RAP1GAP2: variants seen among roughly 807,000 people sequenced by gnomAD.
RAP1GAP2 encodes the protein rap1 GTPase-activating protein 2.
RAP1GAP2 carries 27 observed loss-of-function variants against 95.0 expected under a neutral mutation model. The ratio of observed to expected loss-of-function variants is 0.28; its 90% confidence interval spans 0.21 to 0.39. RAP1GAP2 has a LOEUF of 0.39. RAP1GAP2 is among the 10% of genes least tolerant of loss of function. The probability of loss-of-function intolerance (pLI) is 1.00; values close to 1 mark genes in which losing one functional copy is unlikely to be tolerated. For synonymous variants in RAP1GAP2, 373 were observed against 380.9 expected, an observed-to-expected ratio of 0.98 and a Z score of 0.24; for missense variants, 771 against 970.0, an observed-to-expected ratio of 0.79 and a Z score of 2.72.
rs1229635936 is a variant in RAP1GAP2 at position 2,871,208 on chromosome 17, G to A, written c.81-34076G>A. The stretch of plus-strand genomic sequence containing the variant: ...TGACCTCAGGTGATCCACCCACCTC[G>A]GCCTCCCACAGTGCTGGGATTACAG... On this transcript the variant is annotated intron_variant, in intron 2 of 24. Coordinates refer to ENST00000254695, the MANE Select transcript of RAP1GAP2 (RefSeq NM_015085.5). This position sits in a 1 kb window ranked among gnomAD's most constrained non-coding sequence, Gnocchi z 5.0. Among the ~76,000 whole-genome samples, 5 of 152,138 alleles carry A rather than the reference G, an allele frequency of 3.3e-5. No individual in the cohort carries two copies. Among genetic ancestry groups the A allele is most frequent in the Admixed American group, 2.0e-4 (3 of 15,264 alleles).
intron 3 of RAP1GAP2, among the ~76,000 whole-genome samples, chr17:2,923,646 A>G (rs771750666): frequency 3.7e-5 from 5 of 135,360 alleles, no homozygotes; most frequent in Non-Finnish European, 6.3e-5. Flanking sequence ...TTTCTTAGAT[A>G]ATTTTTATCA....
At chr17:3,026,199 G>A in intron 20 of RAP1GAP2, 78 bp downstream of exon 20, 1 of 1,342,256 alleles carries the variant, frequency 7.5e-7, no homozygotes, top group Non-Finnish European at 1.1e-6. Flanking sequence ...CTGGCCAGCT[G>A]AGAGTGGCCA....
chr17:2,923,714 TAAATA>T (rs962176870), intron 3 of RAP1GAP2, among the ~76,000 whole-genome samples: 17 of 152,106 alleles, frequency 1.1e-4, no homozygotes, highest in African/African-American at 3.9e-4. Flanking sequence ...CAGACAATTT[TAAATA>T]AAATGATATA....
intron 8 of RAP1GAP2, among the ~76,000 whole-genome samples, chr17:2,967,992 A>G (rs1431076942): frequency 6.6e-6 from 1 of 152,144 alleles, no homozygotes; most frequent in Admixed American, 6.5e-5. Flanking sequence ...AAGTTTGGAT[A>G]TAAAGAAGAA....
chr17:2,929,024 A>G (rs928654216), intron 3 of RAP1GAP2, among the ~76,000 whole-genome samples: 1 of 152,168 alleles, frequency 6.6e-6, no homozygotes, highest in Non-Finnish European at 1.5e-5. Context: ...GTTTGAAGCC[A>G]GGAGTTCAAG....
intron 2 of RAP1GAP2, among the ~76,000 whole-genome samples, chr17:2,826,657 T>G (rs942824994): frequency 6.6e-5 from 10 of 151,984 alleles, no homozygotes; most frequent in African/African-American, 2.2e-4. Context: ...AGGGCCAGGC[T>G]AGGGTCCTAA....
chr17:2,823,110 G>A (rs2070382635), intron 2 of RAP1GAP2, among the ~76,000 whole-genome samples: 1 of 151,908 alleles, frequency 6.6e-6, no homozygotes, highest in African/African-American at 2.4e-5. Flanking sequence ...GAGGATTGGG[G>A]TGTCATGGGG....
In RAP1GAP2 at chr17:2,963,315, G is replaced by T. The variant is rs1408954947; in HGVS notation, c.247-115G>T. Reference sequence around the variant, plus strand: ...ATTCTGAGCTGTTCTTCCATCGAATGTTCCTCCCTCAAAGCCCCCCCACAA... The same window carrying T: ...ATTCTGAGCTGTTCTTCCATCGAATTTTCCTCCCTCAAAGCCCCCCCACAA... On this transcript the variant is annotated intron_variant, in intron 5 of 24. Coordinates refer to ENST00000254695, the MANE Select transcript of RAP1GAP2 (RefSeq NM_015085.5). This position sits in a 1 kb window ranked among gnomAD's most constrained non-coding sequence, Gnocchi z 4.8. The T allele has an allele frequency of 1.7e-6, 2 of 1,178,922 alleles. No individual in the cohort carries two copies. Among genetic ancestry groups the T allele is most frequent in the Non-Finnish European group, 2.5e-6 (2 of 788,290 alleles). The allele number at this position is 1,178,922 out of a possible 1,614,324, so 73.0% of individuals were successfully genotyped here. A position where few individuals can be genotyped will look rare whatever the true frequency, so the allele number is the denominator to read the frequency against.
At chr17:2,788,045 A>G (rs2068832229) in intron 1 of RAP1GAP2, among the ~76,000 whole-genome samples, 1 of 152,236 alleles carries the variant, frequency 6.6e-6, no homozygotes, top group African/African-American at 2.4e-5. Flanking sequence ...TTATAATGAT[A>G]TGATTAACAT....
intron 2 of RAP1GAP2, among the ~76,000 whole-genome samples, chr17:2,771,973 C>G (rs1472283899): frequency 6.6e-6 from 1 of 152,058 alleles, no homozygotes; most frequent in Non-Finnish European, 1.5e-5. Context: ...TCAAGTGATC[C>G]TCCTGACTCA....
chr17:2,989,440 C>T (rs1311623247), intron 11 of RAP1GAP2, among the ~76,000 whole-genome samples: 6 of 152,118 alleles, frequency 3.9e-5, no homozygotes, highest in African/African-American at 1.4e-4. Context: ...TCCAGCGATT[C>T]TCCCACCTCA....
intron 1 of RAP1GAP2, 98 bp from the exon 2 acceptor site, chr17:2,800,417 C>G: frequency 6.9e-7 from 1 of 1,442,632 alleles, no homozygotes; most frequent in Non-Finnish European, 9.5e-7. Flanking sequence ...GCCCTGCTGT[C>G]TGGTGGTTTG....
chr17:2,816,907 C>T (rs1298152438), intron 2 of RAP1GAP2, among the ~76,000 whole-genome samples: 2 of 118,452 alleles, frequency 1.7e-5, no homozygotes, highest in South Asian at 2.6e-4. Context: ...AGTACTTGTC[C>T]TTCTGTGTCT....
chr17:2,883,643 A>T (rs1188101354), intron 2 of RAP1GAP2, among the ~76,000 whole-genome samples: 1 of 151,664 alleles, frequency 6.6e-6, no homozygotes, highest in Non-Finnish European at 1.5e-5. Flanking sequence ...TAAAAATGTC[A>T]CTTGTCTCTT....
chr17:2,797,820 C>T lies in RAP1GAP2; in HGVS notation c.44+1249C>T. On this transcript the variant is annotated intron_variant, in intron 1 of 24. Transcript: ENST00000254695. This position sits in a 1 kb window ranked among gnomAD's most constrained non-coding sequence, Gnocchi z 5.6. ...GTCCGGGAGGCAGCAGAGGACTTGG[C>T]TTCTGGTTGGGAGGGGTGTGTGTGT... 14 of 981,370 alleles carry T rather than the reference C, an allele frequency of 1.4e-5. No homozygotes were observed. Among genetic ancestry groups the T allele is most frequent in the Non-Finnish European group, 1.7e-5 (14 of 826,298 alleles). The allele number at this position is 981,370 out of a possible 1,614,324, so 60.8% of individuals were successfully genotyped here.
chr17:2,791,483 C>T (rs1015561084), upstream of RAP1GAP2, among the ~76,000 whole-genome samples: 3 of 152,208 alleles, frequency 2.0e-5, no homozygotes, highest in African/African-American at 7.2e-5. Flanking sequence ...CCTTACTTTT[C>T]CTGTCTGTAA....
At chr17:2,804,107 A>G (rs2069413525) in intron 2 of RAP1GAP2, among the ~76,000 whole-genome samples, 1 of 152,236 alleles carries the variant, frequency 6.6e-6, no homozygotes, top group South Asian at 2.1e-4. Context: ...TGGGTGAGGC[A>G]TCTCTCCTTC....
At position 2,867,356 on chromosome 17, in the gene RAP1GAP2, A is replaced by C. The variant is rs1418726737; in HGVS notation, c.81-37928A>C. The stretch of plus-strand genomic sequence containing the variant: ...CAGGCCTGGCTGGATCGAGAGCTCC[A>C]GTGGGGTCTTTGGACACTGGTTCTT... On this transcript the variant is annotated intron_variant, in intron 2 of 24. Coordinates refer to ENST00000254695, the MANE Select transcript of RAP1GAP2 (RefSeq NM_015085.5). This position sits in a 1 kb window ranked among gnomAD's most constrained non-coding sequence, Gnocchi z 4.5. Among the ~76,000 whole-genome samples, 1 of 152,188 alleles carries C rather than the reference A, an allele frequency of 6.6e-6. No individual in the cohort carries two copies. Among genetic ancestry groups the C allele is most frequent in the Admixed American group, 6.5e-5 (1 of 15,274 alleles).
intron 3 of RAP1GAP2, among the ~76,000 whole-genome samples, chr17:2,908,404 C>T (rs2042269896): frequency 6.6e-6 from 1 of 152,064 alleles, no homozygotes; most frequent in Non-Finnish European, 1.5e-5. Flanking sequence ...TAAGATGAGA[C>T]CTTTGGAAAA....
Sources: allele counts gnomAD v4.1 joint callset (sites outside exome capture counted in the v4.1 genomes callset), GRCh38; gene constraint gnomAD v4.1.1; non-coding constraint Gnocchi (gnomAD v3.1); transcripts MANE v1.5; gene names NCBI Gene and HGNC (gene_info 2026-07-23, HGNC 2026-07-21).